PPFIA2: variants seen among roughly 807,000 people sequenced by gnomAD.
PPFIA2 encodes PPFI scaffold protein A2.
In PPFIA2, 46 loss-of-function variants were observed where a neutral mutation model predicts 175.5. That is an observed-to-expected ratio of 0.26 (90% CI 0.21 to 0.34). The LOEUF is 0.34. PPFIA2 is among the 10% of genes least tolerant of loss of function. The pLI, the probability that PPFIA2 is intolerant of heterozygous loss-of-function variation, is 1.00. For synonymous variants in PPFIA2, 568 were observed against 511.4 expected (o/e 1.11, Z -1.49); for missense variants, 1,179 against 1,506.1 (o/e 0.78, Z 3.60).
intron 3 of PPFIA2, among the ~76,000 whole-genome samples, chr12:81,742,419 T>C (rs532818991): frequency 6.6e-6 from 1 of 152,324 alleles, no homozygotes; most frequent in South Asian, 2.1e-4. Context: ...GGTTCAATTC[T>C]GCACATACTT....
intron 4 of PPFIA2, among the ~76,000 whole-genome samples, chr12:81,530,006 A>C (rs1269638134): frequency 2.6e-5 from 4 of 152,012 alleles, no homozygotes; most frequent in Non-Finnish European, 5.9e-5. Context: ...AGACCAACAC[A>C]TACAATGCTA....
At chr12:81,530,347 T>C (rs975392773) in intron 4 of PPFIA2, among the ~76,000 whole-genome samples, 13 of 151,940 alleles carry the variant, frequency 8.6e-5, no homozygotes, top group East Asian at 5.8e-4. Flanking sequence ...AGCTTCAAGA[T>C]AGGAAGAAAT....
At chr12:81,544,230 TA>T (rs1249050486) in intron 4 of PPFIA2, among the ~76,000 whole-genome samples, 1 of 152,158 alleles carries the variant, frequency 6.6e-6, no homozygotes, top group Non-Finnish European at 1.5e-5. Flanking sequence ...AAAAGCTTAT[TA>T]AAAAATAGAT....
At chr12:81,261,018 T>C (rs924560750) in intron 32 of PPFIA2, 1 of 152,192 alleles carries the variant, frequency 6.6e-6, no homozygotes, top group African/African-American at 2.4e-5. Context: ...CATTAATTGG[T>C]ATTTCCTTAA....
rs779964052 is a variant in PPFIA2 at position 81,347,596 on chromosome 12, T to C, written c.2169A>G (p.Ser723=). The C allele has an allele frequency of 6.2e-7, 1 of 1,613,758 alleles. No individual in the cohort carries two copies. The highest frequency in any genetic ancestry group is 8.5e-7 in the Non-Finnish European group (1 of 1,179,730). The change falls in exon 18 of 33, where the codon TCA becomes TCG. Residue 723 remains serine (S), a synonymous_variant. Coordinates refer to ENST00000549396, the MANE Select transcript of PPFIA2 (RefSeq NM_003625.5). The stretch of plus-strand genomic sequence containing the variant: ...GGCTTCGAGGGGTGAGCTTTGGAGT[T>C]GAGTGTCCACTGGGGGGAGATGAAC... The part of the protein sequence containing the change: ...LASSSPPSGH[S]TPKLTPRSPA...
chr12:81,451,643 GT>G (rs2052600627), intron 5 of PPFIA2, among the ~76,000 whole-genome samples: 1 of 152,056 alleles, frequency 6.6e-6, no homozygotes, highest in Non-Finnish European at 1.5e-5. Flanking sequence ...AACCAAATAT[GT>G]TTTTATTAAT....
chr12:81,665,574 A>G (rs2070029618), intron 4 of PPFIA2, among the ~76,000 whole-genome samples: 1 of 152,048 alleles, frequency 6.6e-6, no homozygotes, highest in Non-Finnish European at 1.5e-5. Flanking sequence ...AAGTAGTTCT[A>G]TATCATAGCA....
chr12:81,391,752 A>G (rs1379112397), intron 8 of PPFIA2, among the ~76,000 whole-genome samples: 4 of 151,954 alleles, frequency 2.6e-5, no homozygotes, highest in Non-Finnish European at 5.9e-5. Context: ...AGGGGAATTG[A>G]TAATGAAAAG....
chr12:81,415,801 C>A (rs543060030), intron 7 of PPFIA2, among the ~76,000 whole-genome samples: 35 of 150,908 alleles, frequency 2.3e-4, no homozygotes, highest in African/African-American at 7.7e-4. Context: ...TAATATTCAA[C>A]AATAGTAATT....
Position 81,347,697 on chromosome 12 carries a change from G to T in PPFIA2, c.2068C>A (p.Leu690Ile). The T allele has an allele frequency of 6.2e-7, 1 of 1,613,820 alleles. No individual in the cohort carries two copies. The highest frequency in any genetic ancestry group is 8.5e-7 in the Non-Finnish European group (1 of 1,179,826). Residue 690 changes from leucine to isoleucine, a missense_variant, in exon 18 of 33, where the codon CTC becomes ATC. Coordinates refer to ENST00000549396, the MANE Select transcript of PPFIA2 (RefSeq NM_003625.5). ...ACCCTTGCCAAATTCAGGCCTTCGA[G>T]GCTCACACTAGCCACTCTATTTTCA... The part of the protein sequence containing the change: ...EIENRVASVS[L>I]EGLNLARVHP...
At chr12:81,607,783 ATTTC>A (rs1349391343) in intron 4 of PPFIA2, among the ~76,000 whole-genome samples, 1 of 151,850 alleles carries the variant, frequency 6.6e-6, no homozygotes, top group Admixed American at 6.6e-5. Context: ...GATGCCTTTT[ATTTC>A]TTTCTCTTAT....
intron 4 of PPFIA2, among the ~76,000 whole-genome samples, chr12:81,578,639 C>G (rs2073965916): frequency 6.6e-6 from 1 of 151,646 alleles, no homozygotes; most frequent in Non-Finnish European, 1.5e-5. Flanking sequence ...TATAAAATTT[C>G]TTTATATCAT....
At chr12:81,602,709 C>A (rs1261710818) in intron 4 of PPFIA2, among the ~76,000 whole-genome samples, 1 of 151,692 alleles carries the variant, frequency 6.6e-6, no homozygotes, top group African/African-American at 2.4e-5. Context: ...AGTTTTGAGA[C>A]CCTGGAGTAA....
chr12:81,466,188 T>C (rs1358362117), intron 4 of PPFIA2, among the ~76,000 whole-genome samples: 1 of 152,180 alleles, frequency 6.6e-6, no homozygotes, highest in Admixed American at 6.6e-5. Flanking sequence ...GAAAACTGGG[T>C]TTAAATTCCA....
Position 81,642,710 on chromosome 12 carries a change from GTATGTATTA to G in PPFIA2, c.303+34072_303+34080del. Among the ~76,000 whole-genome samples the G allele has an allele frequency of 2.6e-5, 2 of 75,724 alleles. 1 individual carries two copies. The highest frequency in any genetic ancestry group is 9.2e-5 in the African/African-American group (2 of 21,738). The allele number at this position is 75,724 out of a possible 152,430, so 49.7% of individuals were successfully genotyped here. A position where few individuals can be genotyped will look rare whatever the true frequency, so the allele number is the denominator to read the frequency against. Reference sequence around the variant, plus strand: ...ATTATATACATACATGTATATGTATGTATGTATTATATACATACATGTATATGTATGTAT... The same window carrying G: ...ATTATATACATACATGTATATGTATGTATACATACATGTATATGTATGTAT... On this transcript the variant is annotated intron_variant, in intron 4 of 32. Transcript: ENST00000549396.
chr12:81,472,409 A>G (rs2146341030), intron 4 of PPFIA2: 1 of 152,302 alleles, frequency 6.6e-6, no homozygotes, highest in African/African-American at 2.4e-5. Flanking sequence ...GATGGAATGG[A>G]GGGTAAGCTA....
intron 8 of PPFIA2, among the ~76,000 whole-genome samples, chr12:81,393,609 G>A (rs191667241): frequency 3.3e-5 from 5 of 152,132 alleles, no homozygotes; most frequent in Non-Finnish European, 7.4e-5. Flanking sequence ...AAAACAGATT[G>A]CTCCCCTTTC....
intron 3 of PPFIA2, among the ~76,000 whole-genome samples, chr12:81,707,780 C>G (rs1006276123): frequency 3.3e-5 from 5 of 151,418 alleles, no homozygotes; most frequent in Admixed American, 6.6e-5. Flanking sequence ...TCCAAATATC[C>G]AACAATGATA....
intron 29 of PPFIA2, among the ~76,000 whole-genome samples, chr12:81,267,443 C>G (rs147411130): frequency 3.3e-5 from 5 of 152,036 alleles, no homozygotes; most frequent in Admixed American, 6.5e-5. Context: ...ATTCCTATGC[C>G]CTATCTCTTG....
Sources: gnomAD v4.1 joint callset for allele counts (sites outside exome capture counted in the v4.1 genomes callset) on GRCh38, gnomAD v4.1.1 for gene constraint, MANE v1.5 for transcripts, NCBI Gene and HGNC (gene_info 2026-07-23, HGNC 2026-07-21) for gene names.